SGMS1: variants seen among roughly 807,000 people sequenced by gnomAD.
SGMS1 encodes the protein phosphatidylcholine:ceramide cholinephosphotransferase 1.
Under a neutral mutation model 46.2 loss-of-function variants are expected in SGMS1, and 13 were observed. The observed-to-expected ratio is 0.28, with a 90% CI of 0.18 to 0.45. The LOEUF is 0.45. Among genes scored for constraint, SGMS1 ranks in the 20% least tolerant of loss-of-function variants. The probability of loss-of-function intolerance (pLI) is 1.00; values close to 1 mark genes in which losing one functional copy is unlikely to be tolerated. For synonymous variants in SGMS1, 203 were observed against 187.8 expected (o/e 1.08, Z -0.66); for missense variants, 324 against 519.9 (o/e 0.62, Z 3.66).
intron 6 of SGMS1, among the ~76,000 whole-genome samples, chr10:50,369,589 T>C (rs762267238): frequency 6.1e-5 from 9 of 147,154 alleles, no homozygotes; most frequent in East Asian, 1.9e-4. Context: ...TCAACAAATG[T>C]GGAGGAAAAA....
chr10:50,562,090 T>C (rs1838241313), intron 2 of SGMS1, among the ~76,000 whole-genome samples: 1 of 152,160 alleles, frequency 6.6e-6, no homozygotes, highest in Non-Finnish European at 1.5e-5. Flanking sequence ...AATCAGCAAA[T>C]ATGTCTCAGG....
At chr10:50,385,730 A>G (rs1375169767) in intron 6 of SGMS1, among the ~76,000 whole-genome samples, 1 of 152,192 alleles carries the variant, frequency 6.6e-6, no homozygotes, top group East Asian at 1.9e-4. Flanking sequence ...AAGGCATGGG[A>G]GAACCTTGGC....
In SGMS1 at chr10:50,532,205, C is replaced by T. The variant is rs139399595; in HGVS notation, c.-588-12284G>A. ...CCTTAGGTTCCTTGGCATGTCTCCA[C>T]GGTCCCAGTCTGAATGAGACTGTGT... On this transcript the variant is annotated intron_variant, in intron 2 of 10. Coordinates refer to ENST00000361781, the MANE Select transcript of SGMS1 (RefSeq NM_147156.4). Among the ~76,000 whole-genome samples the T allele has an allele frequency of 1.6e-3, 240 of 149,594 alleles. 1 individual carries two copies. Among genetic ancestry groups the T allele is most frequent in the South Asian group, 4.3e-3 (20 of 4,670 alleles).
At chr10:50,342,584 T>C (rs1320666867) in intron 7 of SGMS1, 1 of 152,234 alleles carries the variant, frequency 6.6e-6, no homozygotes, top group East Asian at 1.9e-4. Flanking sequence ...GTGCATTTTG[T>C]TTTCTTGCTG....
At chr10:50,564,214 A>C (rs1838268280) in intron 2 of SGMS1, among the ~76,000 whole-genome samples, 1 of 152,202 alleles carries the variant, frequency 6.6e-6, no homozygotes, top group Non-Finnish European at 1.5e-5. Flanking sequence ...CACATGCTGC[A>C]AGGAAGTGAC....
intron 5 of SGMS1, among the ~76,000 whole-genome samples, chr10:50,454,338 T>A (rs1048611089): frequency 4.6e-5 from 7 of 151,776 alleles, no homozygotes; most frequent in African/African-American, 1.7e-4. Context: ...AACTAACTAA[T>A]CAGCTAGACC....
chr10:50,505,561 CA>C (rs1373609900), intron 3 of SGMS1, among the ~76,000 whole-genome samples: 1 of 152,172 alleles, frequency 6.6e-6, no homozygotes, highest in Non-Finnish European at 1.5e-5. Flanking sequence ...GAAAAGGACA[CA>C]AAAACTATAA....
intron 5 of SGMS1, among the ~76,000 whole-genome samples, chr10:50,435,195 CA>C (rs2133623117): frequency 6.6e-6 from 1 of 152,198 alleles, no homozygotes; most frequent in South Asian, 2.1e-4. Flanking sequence ...TGATCTTTGC[CA>C]AGTAATTTAT....
At chr10:50,613,924 T>C (rs1475392258) in intron 1 of SGMS1, among the ~76,000 whole-genome samples, 1 of 152,206 alleles carries the variant, frequency 6.6e-6, no homozygotes. Context: ...CTATGTGACC[T>C]CGTGGCAGCT....
rs141757507 is a variant in SGMS1 at position 50,597,298 on chromosome 10, T to C, written c.-683-7051A>G. On this transcript the variant is annotated intron_variant, in intron 1 of 10. Coordinates refer to ENST00000361781, the MANE Select transcript of SGMS1 (RefSeq NM_147156.4). ...AAATACCATTACACACCTATTAGAA[T>C]AGCTGAACTGCATAAACTGAAAATA... 2.8e-4 allele frequency among the ~76,000 whole-genome samples: 43 copies of C among 152,312 alleles called. No homozygotes were observed. The East Asian group carries it at 7.5e-3, about 27-fold the overall frequency.
intron 3 of SGMS1, among the ~76,000 whole-genome samples, chr10:50,489,616 G>A (rs1432256108): frequency 6.6e-6 from 1 of 152,210 alleles, no homozygotes; most frequent in Admixed American, 6.5e-5. Flanking sequence ...ATGGTGTGCT[G>A]TTTCAACTCA....
chr10:50,368,452 G>A (rs1413220258), intron 6 of SGMS1, among the ~76,000 whole-genome samples: 1 of 152,158 alleles, frequency 6.6e-6, no homozygotes, highest in Non-Finnish European at 1.5e-5. Context: ...TGCCTCTCGG[G>A]TTCAATCAAT....
rs1847546818 is a variant in SGMS1 at position 50,327,249 on chromosome 10, T to TTAC, written c.694_696dup (p.Val232dup). On this transcript the variant is annotated inframe_insertion, in exon 8 of 11. Transcript: ENST00000361781. ...TGCATACCAGGTACTGGGAGTGTAGTTACATACATTGTAATACACCGATAC... is the reference window on the plus strand; with the variant it reads ...TGCATACCAGGTACTGGGAGTGTAGTTACTACATACATTGTAATACACCGATAC... The TTAC allele has an allele frequency of 6.2e-7, 1 of 1,608,918 alleles. No individual in the cohort carries two copies. The highest frequency in any genetic ancestry group is 1.3e-5 in the African/African-American group (1 of 74,828).
intron 5 of SGMS1, among the ~76,000 whole-genome samples, chr10:50,457,365 A>C (rs1430531665): frequency 6.6e-6 from 1 of 152,046 alleles, no homozygotes; most frequent in Non-Finnish European, 1.5e-5. Flanking sequence ...ATATTTACCA[A>C]ATTTTCTTTT....
At chr10:50,484,260 T>C (rs1027922245) in intron 3 of SGMS1, among the ~76,000 whole-genome samples, 7 of 152,036 alleles carry the variant, frequency 4.6e-5, no homozygotes, top group African/African-American at 9.7e-5. Context: ...GAGAATACCA[T>C]AAACACCTCT....
intron 7 of SGMS1, among the ~76,000 whole-genome samples, chr10:50,330,715 A>G (rs1847610539): frequency 6.6e-6 from 1 of 152,220 alleles, no homozygotes; most frequent in South Asian, 2.1e-4. Context: ...ACTAAGCAAC[A>G]ATTCAAAACT....
intron 3 of SGMS1, among the ~76,000 whole-genome samples, chr10:50,479,348 C>T (rs1429229698): frequency 2.0e-5 from 3 of 152,276 alleles, no homozygotes; most frequent in Non-Finnish European, 4.4e-5. Context: ...CACTAACTCA[C>T]TGCCCTAATG....
intron 3 of SGMS1, among the ~76,000 whole-genome samples, chr10:50,498,072 A>G (rs750081744): frequency 9.8e-5 from 15 of 152,348 alleles, no homozygotes; most frequent in Non-Finnish European, 2.1e-4. Flanking sequence ...CTCATTTTTA[A>G]AAGACAAGAT....
intron 6 of SGMS1, among the ~76,000 whole-genome samples, chr10:50,355,347 GC>G (rs1189827977): frequency 6.6e-6 from 1 of 152,148 alleles, no homozygotes; most frequent in Non-Finnish European, 1.5e-5. Flanking sequence ...CTGTACTGCC[GC>G]CATCTCGGCT....
Sources: gnomAD v4.1 joint callset for allele counts (sites outside exome capture counted in the v4.1 genomes callset) on GRCh38, gnomAD v4.1.1 for gene constraint, MANE v1.5 for transcripts, NCBI Gene and HGNC (gene_info 2026-07-23, HGNC 2026-07-21) for gene names.